The following REDIC1 variants were observed in gnomAD, a reference collection of about 807,000 sequenced individuals.
REDIC1 encodes the protein HEI10 Interacting Protein 1.
chr12:39,730,352 G>C, the REDIC1 span, among the ~76,000 whole-genome samples: 5 of 152,282 alleles, frequency 3.3e-5, no homozygotes, highest in Non-Finnish European at 7.3e-5. Context: ...GGCAGGCCTG[G>C]TGGTGACAAA....
the REDIC1 span, among the ~76,000 whole-genome samples, chr12:39,699,570 T>A: frequency 1.0e-3 from 156 of 152,244 alleles, 2 homozygotes; most frequent in African/African-American, 3.6e-3. Context: ...ACAAAGCAAC[T>A]GGGAAGCTCG....
At chr12:39,799,804 AACTGAGGAGAGCTGG>A in the REDIC1 span, among the ~76,000 whole-genome samples, 31 of 152,314 alleles carry the variant, frequency 2.0e-4, no homozygotes, top group Admixed American at 1.8e-3. Flanking sequence ...AAAGCCTGGC[AACTGAGGAGAGCTGG>A]CTGGATCATG....
At chr12:39,634,074 T>A in the REDIC1 span, among the ~76,000 whole-genome samples, 2 of 152,202 alleles carry the variant, frequency 1.3e-5, no homozygotes, top group African/African-American at 4.8e-5. Context: ...CTTGGAAGGT[T>A]CTTCCATTTG....
chr12:39,680,242 A>T, the REDIC1 span, among the ~76,000 whole-genome samples: 3 of 152,162 alleles, frequency 2.0e-5, no homozygotes, highest in African/African-American at 7.2e-5. Context: ...CTGACAAAGG[A>T]CTAACATCCA....
At chr12:39,904,153 A>C in the REDIC1 span, among the ~76,000 whole-genome samples, 1 of 152,182 alleles carries the variant, frequency 6.6e-6, no homozygotes, top group African/African-American at 2.4e-5. Context: ...TGGGTTACAC[A>C]GGATGCACTT....
the REDIC1 span, among the ~76,000 whole-genome samples, chr12:39,808,520 A>C: frequency 6.6e-6 from 1 of 152,142 alleles, no homozygotes; most frequent in African/African-American, 2.4e-5. Flanking sequence ...AGAAACCTCC[A>C]AACTGATTTC....
At chr12:39,741,726 T>C in the REDIC1 span, among the ~76,000 whole-genome samples, 3 of 152,208 alleles carry the variant, frequency 2.0e-5, no homozygotes, top group Admixed American at 1.3e-4. Context: ...AAAAGTGAGA[T>C]ATCTTTAAGT....
chr12:39,799,307 G>A, the REDIC1 span, among the ~76,000 whole-genome samples: 3 of 132,628 alleles, frequency 2.3e-5, no homozygotes, highest in Admixed American at 8.6e-5. Flanking sequence ...ATGGGGTTTC[G>A]CTGTGTTGGC....
the REDIC1 span, among the ~76,000 whole-genome samples, chr12:39,690,958 G>A: frequency 4.6e-5 from 7 of 152,254 alleles, no homozygotes; most frequent in Non-Finnish European, 8.8e-5. Flanking sequence ...TGAAAGTTTT[G>A]TGTTCTTCTT....
At chr12:39,894,078 A>G in the REDIC1 span, among the ~76,000 whole-genome samples, 1 of 152,214 alleles carries the variant, frequency 6.6e-6, no homozygotes, top group Admixed American at 6.5e-5. Context: ...CATTTTAATA[A>G]ATGTTTTTGC....
At chr12:39,707,118 G>A in the REDIC1 span, among the ~76,000 whole-genome samples, 1 of 151,820 alleles carries the variant, frequency 6.6e-6, no homozygotes, top group African/African-American at 2.4e-5. Flanking sequence ...TACCTATCTG[G>A]CAAGGGATTA....
chr12:39,907,072 TTGAC>T, the REDIC1 span, among the ~76,000 whole-genome samples: 5 of 152,158 alleles, frequency 3.3e-5, no homozygotes, highest in African/African-American at 1.2e-4. Context: ...AAGTAGAAGT[TTGAC>T]TGTATTTACA....
At chr12:39,745,863 G>A in the REDIC1 span, 1 of 152,198 alleles carries the variant, frequency 6.6e-6, no homozygotes, top group Non-Finnish European at 1.5e-5. Context: ...TTTCCAGCCT[G>A]GGAAAAACTT....
At chr12:39,774,771 T>C in the REDIC1 span, among the ~76,000 whole-genome samples, 1 of 152,162 alleles carries the variant, frequency 6.6e-6, no homozygotes. Context: ...GCCACTTTTT[T>C]CCTGAATAAA....
the REDIC1 span, chr12:39,643,949 C>T: frequency 6.9e-7 from 1 of 1,453,466 alleles, no homozygotes; most frequent in South Asian, 1.3e-5. Context: ...CTGTTTTGAA[C>T]TTGATGTGAT....
the REDIC1 span, among the ~76,000 whole-genome samples, chr12:39,696,314 C>T: frequency 3.7e-4 from 56 of 151,038 alleles, no homozygotes; most frequent in African/African-American, 1.0e-3. Context: ...GAGGCCGAGG[C>T]GGGCGGATCA....
the REDIC1 span, among the ~76,000 whole-genome samples, chr12:39,779,935 C>G: frequency 8.0e-3 from 1,215 of 152,292 alleles, 12 homozygotes; most frequent in Middle Eastern, 0.041. Context: ...TGTGGGCTAT[C>G]GTGATGCAAA....
At chr12:39,706,314 C>T in the REDIC1 span, among the ~76,000 whole-genome samples, 2 of 152,030 alleles carry the variant, frequency 1.3e-5, no homozygotes, top group Non-Finnish European at 1.5e-5. Flanking sequence ...GAAGAGGACA[C>T]CAAAACATGG....
the REDIC1 span, among the ~76,000 whole-genome samples, chr12:39,711,546 T>C: frequency 1.2e-5 from 1 of 81,772 alleles, no homozygotes; most frequent in Admixed American, 1.3e-4. Flanking sequence ...CATATATGTA[T>C]GTGCATACAC....
Sources: gnomAD v4.1 joint callset for allele counts (sites outside exome capture counted in the v4.1 genomes callset) on GRCh38, gnomAD v4.1.1 for gene constraint, MANE v1.5 for transcripts, NCBI Gene and HGNC (gene_info 2026-07-23, HGNC 2026-07-21) for gene names.